Variants in SGCZ observed in about 807,000 individuals in gnomAD.
SGCZ encodes the protein sarcoglycan zeta.
A neutral mutation model predicts 41.3 loss-of-function variants in SGCZ; 40 were observed. The observed-to-expected ratio is 0.97, with a 90% CI of 0.75 to 1.26. The LOEUF is 1.26. SGCZ is among the 50% of genes most tolerant of loss of function. The pLI, the probability that SGCZ is intolerant of heterozygous loss-of-function variation, is 0.00. For missense variants in SGCZ, 552 were observed against 369.8 expected (o/e 1.49, Z -4.04); for synonymous variants, 206 against 137.5 (o/e 1.50, Z -3.49).
intron 5 of SGCZ, among the ~76,000 whole-genome samples, chr8:14,164,022 C>CT (rs1218376226): frequency 6.6e-6 from 1 of 151,912 alleles, no homozygotes; most frequent in Admixed American, 6.6e-5. Context: ...CCACTTTTAC[C>CT]TTTTTTAAAA....
intron 1 of SGCZ, among the ~76,000 whole-genome samples, chr8:14,633,974 G>C (rs1457720488): frequency 6.6e-6 from 1 of 151,794 alleles, no homozygotes; most frequent in Non-Finnish European, 1.5e-5. Flanking sequence ...TTCTGCACTT[G>C]GTTGAGATCC....
At chr8:14,323,364 A>G (rs890873130) in intron 3 of SGCZ, among the ~76,000 whole-genome samples, 1 of 152,060 alleles carries the variant, frequency 6.6e-6, no homozygotes, top group Non-Finnish European at 1.5e-5. Flanking sequence ...CTTTTATATA[A>G]CACAATTTCC....
At chr8:14,740,671 G>A (rs763673662) in intron 1 of SGCZ, among the ~76,000 whole-genome samples, 12 of 151,936 alleles carry the variant, frequency 7.9e-5, no homozygotes, top group Non-Finnish European at 7.4e-5. Flanking sequence ...TTTCTCAGTC[G>A]TCCTGGGATT....
intron 1 of SGCZ, among the ~76,000 whole-genome samples, chr8:15,059,975 G>T (rs903933844): frequency 5.9e-5 from 9 of 152,146 alleles, no homozygotes; most frequent in African/African-American, 1.7e-4. Flanking sequence ...AGTTCTTACA[G>T]GAAATGACAA....
At position 14,371,220 on chromosome 8, in the gene SGCZ, T is replaced by C. The variant is rs568971692; in HGVS notation, c.235-47016A>G. On this transcript the variant is annotated intron_variant, in intron 2 of 7. Transcript: ENST00000382080. ...AAAGAATCCAGATGTCCAAAAAAGC[T>C]TATAATTTGCCATAACATTCTTATG... Among the ~76,000 whole-genome samples, 3 of 152,098 alleles carry C rather than the reference T, an allele frequency of 2.0e-5. No individual in the cohort carries two copies. The South Asian group carries it at 6.2e-4, about 32-fold the overall frequency.
At chr8:14,775,825 G>C (rs1404798441) in intron 1 of SGCZ, among the ~76,000 whole-genome samples, 1 of 152,158 alleles carries the variant, frequency 6.6e-6, no homozygotes, top group Non-Finnish European at 1.5e-5. Context: ...AAATGGAAGA[G>C]CACAGGTGAG....
intron 1 of SGCZ, among the ~76,000 whole-genome samples, chr8:14,613,119 G>C (rs1805983745): frequency 6.6e-6 from 1 of 152,188 alleles, no homozygotes; most frequent in African/African-American, 2.4e-5. Flanking sequence ...CTGGCACTCA[G>C]GGAGAGTGAA....
intron 1 of SGCZ, among the ~76,000 whole-genome samples, chr8:14,896,239 A>G (rs1805194611): frequency 6.6e-6 from 1 of 152,182 alleles, no homozygotes; most frequent in Admixed American, 6.5e-5. Flanking sequence ...CTTTCAAGAA[A>G]GAGGATATGC....
At chr8:14,649,542 G>C (rs547211241) in intron 1 of SGCZ, among the ~76,000 whole-genome samples, 2 of 151,466 alleles carry the variant, frequency 1.3e-5, no homozygotes, top group African/African-American at 2.4e-5. Flanking sequence ...ATCTGAGATA[G>C]TGTTTTTGAG....
intron 1 of SGCZ, among the ~76,000 whole-genome samples, chr8:14,676,505 G>T (rs1269192996): frequency 6.6e-6 from 1 of 152,120 alleles, no homozygotes; most frequent in African/African-American, 2.4e-5. Context: ...GAGACAGAGT[G>T]AGACTCCATC....
intron 1 of SGCZ, among the ~76,000 whole-genome samples, chr8:15,212,906 A>C (rs1179765501): frequency 1.3e-5 from 2 of 152,078 alleles, no homozygotes; most frequent in African/African-American, 4.8e-5. Context: ...AATGAATATA[A>C]CTGATCACAG....
At chr8:15,179,455 A>G (rs559143665) in intron 1 of SGCZ, among the ~76,000 whole-genome samples, 13 of 152,200 alleles carry the variant, frequency 8.5e-5, no homozygotes, top group Non-Finnish European at 1.8e-4. Flanking sequence ...CAACCACTGA[A>G]AGTAGGCATT....
intron 1 of SGCZ, among the ~76,000 whole-genome samples, chr8:14,779,701 G>A (rs1563263894): frequency 6.6e-6 from 1 of 152,180 alleles, no homozygotes; most frequent in Non-Finnish European, 1.5e-5. Context: ...GCAATGGGCT[G>A]AGCCATACAA....
chr8:15,130,842 A>C (rs1807869681), intron 1 of SGCZ, among the ~76,000 whole-genome samples: 1 of 152,174 alleles, frequency 6.6e-6, no homozygotes, highest in Non-Finnish European at 1.5e-5. Flanking sequence ...GAATGACAAA[A>C]TCACTACAAA....
chr8:14,680,051 T>G (rs180819774), intron 1 of SGCZ, among the ~76,000 whole-genome samples: 8 of 152,236 alleles, frequency 5.3e-5, no homozygotes, highest in Non-Finnish European at 8.8e-5. Context: ...TTTTCCATAA[T>G]ATTTGCACAA....
chr8:15,045,526 A>C (rs1563463997), intron 1 of SGCZ, among the ~76,000 whole-genome samples: 1 of 152,122 alleles, frequency 6.6e-6, no homozygotes, highest in Non-Finnish European at 1.5e-5. Context: ...ATTTGGGTTT[A>C]AGATTGAGAT....
At chr8:15,210,165 A>C (rs1281235530) in intron 1 of SGCZ, among the ~76,000 whole-genome samples, 1 of 152,210 alleles carries the variant, frequency 6.6e-6, no homozygotes, top group Admixed American at 6.5e-5. Flanking sequence ...AAAGGTAGAA[A>C]GAATTAGAAT....
intron 2 of SGCZ, among the ~76,000 whole-genome samples, chr8:14,493,586 T>G (rs1029480549): frequency 9.9e-5 from 15 of 151,586 alleles, no homozygotes; most frequent in Non-Finnish European, 1.9e-4. Flanking sequence ...CAATATGGTC[T>G]CGATATCGTG....
intron 1 of SGCZ, among the ~76,000 whole-genome samples, chr8:15,028,076 C>G (rs941306688): frequency 6.6e-5 from 10 of 152,090 alleles, no homozygotes; most frequent in Admixed American, 6.6e-5. Flanking sequence ...TTCACACACT[C>G]CTCAATGCTA....
Sources: gnomAD v4.1 joint callset for allele counts (sites outside exome capture counted in the v4.1 genomes callset) on GRCh38, gnomAD v4.1.1 for gene constraint, MANE v1.5 for transcripts, NCBI Gene and HGNC (gene_info 2026-07-23, HGNC 2026-07-21) for gene names.